The following PPFIA2 variants were observed in gnomAD, a reference collection of about 807,000 sequenced individuals.
The protein encoded by PPFIA2 is PPFI scaffold protein A2, also known as liprin-alpha-2.
A neutral mutation model predicts 175.5 loss-of-function variants in PPFIA2; 46 were observed. The observed-to-expected ratio is 0.26, with a 90% CI of 0.21 to 0.34. The LOEUF is 0.34. Among genes scored for constraint, PPFIA2 ranks in the 10% least tolerant of loss-of-function variants. The pLI is 1.00. For synonymous variants in PPFIA2, 568 were observed against 511.4 expected, an observed-to-expected ratio of 1.11 and a Z score of -1.49; for missense variants, 1,179 against 1,506.1, an observed-to-expected ratio of 0.78 and a Z score of 3.60.
At chr12:81,681,082 G>A (rs759820508) in intron 3 of PPFIA2, among the ~76,000 whole-genome samples, 19 of 152,012 alleles carry the variant, frequency 1.2e-4, no homozygotes, top group South Asian at 2.1e-4. Flanking sequence ...TGGATTCATC[G>A]TCTCCTTATC....
intron 4 of PPFIA2, among the ~76,000 whole-genome samples, chr12:81,548,593 A>AAGT (rs2067362224): frequency 6.6e-6 from 1 of 152,118 alleles, no homozygotes; most frequent in Admixed American, 6.6e-5. Context: ...TAAGTCTCTC[A>AAGT]AGTAGGTGGA....
chr12:81,549,810 C>G lies in PPFIA2; in HGVS notation c.304-91944G>C, dbSNP rs2067597808. ...ACTCACTGGCAGGTCATTTTGCTGT[C>G]TGGCTGGTCATTTTCCTGCTGGGGT... On this transcript the variant is annotated intron_variant, in intron 4 of 32. Transcript: ENST00000549396. 1.3e-5 allele frequency among the ~76,000 whole-genome samples: 2 copies of G among 151,950 alleles called. 1 individual carries two copies. Among genetic ancestry groups the G allele is most frequent in the South Asian group, 4.1e-4 (2 of 4,832 alleles).
chr12:81,468,582 G>C (rs981747490), intron 4 of PPFIA2, among the ~76,000 whole-genome samples: 3 of 152,130 alleles, frequency 2.0e-5, no homozygotes, highest in Non-Finnish European at 4.4e-5. Context: ...CATTCGAGCT[G>C]AATATTTAAA....
At chr12:81,732,609 C>T (rs567303801) in intron 3 of PPFIA2, among the ~76,000 whole-genome samples, 1 of 148,178 alleles carries the variant, frequency 6.7e-6, no homozygotes, top group East Asian at 2.0e-4. Context: ...AGAGAAAAGG[C>T]AACAAAACCC....
intron 4 of PPFIA2, among the ~76,000 whole-genome samples, chr12:81,673,685 T>C (rs1228504957): frequency 6.6e-6 from 1 of 152,036 alleles, no homozygotes; most frequent in Non-Finnish European, 1.5e-5. Flanking sequence ...AGTTAATATT[T>C]AACAGATACT....
intron 4 of PPFIA2, among the ~76,000 whole-genome samples, chr12:81,472,053 T>C (rs1209116525): frequency 1.3e-5 from 2 of 152,212 alleles, no homozygotes; most frequent in Non-Finnish European, 1.5e-5. Flanking sequence ...CATGCTATAA[T>C]ATGGATGCTC....
chr12:81,280,438 A>G (rs1206571320), intron 27 of PPFIA2, among the ~76,000 whole-genome samples: 1 of 152,156 alleles, frequency 6.6e-6, no homozygotes, highest in Non-Finnish European at 1.5e-5. Context: ...TGTCATCAAC[A>G]TATCTAATTT....
chr12:81,479,704 G>A (rs2057960505), intron 4 of PPFIA2, among the ~76,000 whole-genome samples: 1 of 152,196 alleles, frequency 6.6e-6, no homozygotes, highest in African/African-American at 2.4e-5. Flanking sequence ...GACTGAATAT[G>A]AAATCTGGGT....
chr12:81,461,908 C>T (rs1464241082), intron 4 of PPFIA2, among the ~76,000 whole-genome samples: 4 of 151,844 alleles, frequency 2.6e-5, no homozygotes, highest in Non-Finnish European at 4.4e-5. Flanking sequence ...ATTATGTGTT[C>T]GTCTCCTCCA....
At chr12:81,347,202 C>A (rs1195253463) in intron 18 of PPFIA2, among the ~76,000 whole-genome samples, 1 of 151,936 alleles carries the variant, frequency 6.6e-6, no homozygotes, top group South Asian at 2.1e-4. Flanking sequence ...ATCCTCCTGC[C>A]TCAGCCTCCA....
At chr12:81,271,813 A>G (rs1382956094) in intron 28 of PPFIA2, among the ~76,000 whole-genome samples, 1 of 152,050 alleles carries the variant, frequency 6.6e-6, no homozygotes, top group Non-Finnish European at 1.5e-5. Flanking sequence ...TATGACATTT[A>G]CCCATACATT....
chr12:81,377,855 C>A (rs2036739879), intron 9 of PPFIA2, among the ~76,000 whole-genome samples: 1 of 152,038 alleles, frequency 6.6e-6, no homozygotes, highest in African/African-American at 2.4e-5. Context: ...ATAACATCCC[C>A]CCAAAATTCG....
intron 7 of PPFIA2, among the ~76,000 whole-genome samples, chr12:81,432,027 C>G (rs2048184419): frequency 6.6e-6 from 1 of 152,176 alleles, no homozygotes. Flanking sequence ...GGTAATATTA[C>G]TAAACCTTGT....
At chr12:81,503,510 G>T (rs1372949819) in intron 4 of PPFIA2, among the ~76,000 whole-genome samples, 1 of 145,662 alleles carries the variant, frequency 6.9e-6, no homozygotes, top group Non-Finnish European at 1.5e-5. Flanking sequence ...AGCTAGCCAA[G>T]TCTAGATATA....
At chr12:81,633,429 C>A (rs17008848) in intron 4 of PPFIA2, among the ~76,000 whole-genome samples, 1,600 of 151,956 alleles carry the variant, frequency 0.011, 29 homozygotes, top group African/African-American at 0.036. Flanking sequence ...TAGTTGCTGG[C>A]AATGTTCTTG....
chr12:81,666,883 A>C (rs1168082998), intron 4 of PPFIA2, among the ~76,000 whole-genome samples: 1 of 152,164 alleles, frequency 6.6e-6, no homozygotes, highest in Non-Finnish European at 1.5e-5. Context: ...TCCAGAGTCC[A>C]CACTCTACAC....
At chr12:81,437,946 T>C (rs201029288) in intron 7 of PPFIA2, among the ~76,000 whole-genome samples, 127 of 151,268 alleles carry the variant, frequency 8.4e-4, no homozygotes, top group African/African-American at 2.6e-3. Flanking sequence ...TTTTTTTTTT[T>C]CCCCCAAACC....
intron 24 of PPFIA2, among the ~76,000 whole-genome samples, chr12:81,290,753 C>T (rs981789084): frequency 6.6e-6 from 1 of 151,632 alleles, no homozygotes; most frequent in African/African-American, 2.4e-5. Context: ...CACAATTTAA[C>T]AATTAAAGTT....
At chr12:81,294,484 A>C in intron 24 of PPFIA2, 1 of 188,808 alleles carries the variant, frequency 5.3e-6, no homozygotes. Context: ...GAAGGAAGGA[A>C]GGAAAGAAGG....
Sources: gnomAD v4.1 joint callset for allele counts (sites outside exome capture counted in the v4.1 genomes callset) on GRCh38, gnomAD v4.1.1 for gene constraint, MANE v1.5 for transcripts, NCBI Gene and HGNC (gene_info 2026-07-23, HGNC 2026-07-21) for gene names.